CTNNA3: variants seen among roughly 807,000 people sequenced by gnomAD.
CTNNA3 encodes catenin alpha-3.
CTNNA3 carries 76 observed loss-of-function variants against 95.7 expected under a neutral mutation model. The ratio of observed to expected loss-of-function variants is 0.79; its 90% confidence interval spans 0.66 to 0.96. CTNNA3 has a LOEUF of 0.96. CTNNA3 is among the 40% of genes least tolerant of loss of function. CTNNA3 has a pLI of 0.00. For missense variants in CTNNA3, 1,191 were observed against 1,089.8 expected, an observed-to-expected ratio of 1.09 and a Z score of -1.31; for synonymous variants, 431 against 374.4, an observed-to-expected ratio of 1.15 and a Z score of -1.74.
chr10:66,205,222 T>G (rs150289202), intron 13 of CTNNA3, among the ~76,000 whole-genome samples: 7 of 152,210 alleles, frequency 4.6e-5, no homozygotes, highest in African/African-American at 1.2e-4. Flanking sequence ...ATTTAAATTC[T>G]TCCATAGTTC....
intron 7 of CTNNA3, among the ~76,000 whole-genome samples, chr10:66,902,446 C>A (rs1845793323): frequency 1.3e-5 from 2 of 152,214 alleles, no homozygotes; most frequent in Admixed American, 1.3e-4. Context: ...ACAAAATCGA[C>A]ACCCTAACAT....
At chr10:66,387,216 C>A (rs1445883431) in intron 11 of CTNNA3, among the ~76,000 whole-genome samples, 1 of 151,984 alleles carries the variant, frequency 6.6e-6, no homozygotes, top group Non-Finnish European at 1.5e-5. Context: ...GGGCTAATAT[C>A]CAGAATCTAC....
chr10:66,208,830 A>G (rs1455914119), intron 13 of CTNNA3, among the ~76,000 whole-genome samples: 1 of 152,040 alleles, frequency 6.6e-6, no homozygotes, highest in Non-Finnish European at 1.5e-5. Context: ...CCACTGTTTT[A>G]ATAACATGAG....
At chr10:66,518,453 C>G (rs936986791) in intron 11 of CTNNA3, among the ~76,000 whole-genome samples, 5 of 152,078 alleles carry the variant, frequency 3.3e-5, no homozygotes, top group African/African-American at 4.8e-5. Context: ...ACAGAACCTA[C>G]TATTCAACAG....
At chr10:65,959,570 G>A (rs1224068154) in intron 17 of CTNNA3, among the ~76,000 whole-genome samples, 2 of 152,024 alleles carry the variant, frequency 1.3e-5, no homozygotes, top group Admixed American at 6.6e-5. Context: ...TATCACCCAG[G>A]GTGGAATGCA....
chr10:66,354,818 T>G (rs2092596472), intron 12 of CTNNA3, among the ~76,000 whole-genome samples: 1 of 152,134 alleles, frequency 6.6e-6, no homozygotes, highest in Non-Finnish European at 1.5e-5. Flanking sequence ...CATCATAGCA[T>G]CTCACCACCC....
At chr10:66,241,394 AC>A (rs895009773) in intron 13 of CTNNA3, among the ~76,000 whole-genome samples, 187 of 152,318 alleles carry the variant, frequency 1.2e-3, no homozygotes, top group African/African-American at 4.3e-3. Flanking sequence ...ATAAAGGTTG[AC>A]CTTTTCAATC....
intron 1 of CTNNA3, among the ~76,000 whole-genome samples, chr10:67,702,579 G>A (rs1437552267): frequency 6.6e-6 from 1 of 152,170 alleles, no homozygotes; most frequent in Non-Finnish European, 1.5e-5. Flanking sequence ...TGAAACCAGT[G>A]AGAACAAAGA....
intron 11 of CTNNA3, among the ~76,000 whole-genome samples, chr10:66,447,268 C>T (rs1420040453): frequency 6.6e-6 from 1 of 152,070 alleles, no homozygotes; most frequent in Non-Finnish European, 1.5e-5. Context: ...TTTATAGATT[C>T]CATGCCATCC....
At chr10:67,017,819 G>C (rs780130145) in intron 7 of CTNNA3, among the ~76,000 whole-genome samples, 1 of 151,960 alleles carries the variant, frequency 6.6e-6, no homozygotes, top group Non-Finnish European at 1.5e-5. Context: ...ACCCAGGCTG[G>C]AATATAGTGG....
chr10:66,077,424 T>A (rs2080589258), intron 14 of CTNNA3, among the ~76,000 whole-genome samples: 1 of 151,866 alleles, frequency 6.6e-6, no homozygotes, highest in South Asian at 2.1e-4. Context: ...CTATAACATT[T>A]GTGACCAATA....
chr10:67,206,197 ACT>A (rs1413255400), intron 6 of CTNNA3, among the ~76,000 whole-genome samples: 1 of 152,230 alleles, frequency 6.6e-6, no homozygotes, highest in East Asian at 1.9e-4. Context: ...TGTAAATGGT[ACT>A]GTCAAGTCCT....
intron 2 of CTNNA3, among the ~76,000 whole-genome samples, chr10:67,608,119 G>A (rs117116457): frequency 0.03 from 4,574 of 152,250 alleles, 79 homozygotes; most frequent in Middle Eastern, 0.072. Context: ...GGCCAAATGA[G>A]TTAGGGGAAA....
chr10:66,447,297 C>T (rs537462767), intron 11 of CTNNA3, among the ~76,000 whole-genome samples: 12 of 151,990 alleles, frequency 7.9e-5, no homozygotes, highest in Non-Finnish European at 1.5e-4. Context: ...CTACCAATGA[C>T]TTTCTTCACA....
intron 7 of CTNNA3, among the ~76,000 whole-genome samples, chr10:66,986,418 A>C (rs1850731452): frequency 6.6e-6 from 1 of 152,010 alleles, no homozygotes; most frequent in African/African-American, 2.4e-5. Context: ...AATCGCTTGA[A>C]CCCAGTAGGC....
At chr10:67,508,009 T>G (rs909004125) in intron 5 of CTNNA3, among the ~76,000 whole-genome samples, 2 of 152,112 alleles carry the variant, frequency 1.3e-5, no homozygotes, top group Non-Finnish European at 2.9e-5. Context: ...TATTTCCTTT[T>G]TTTGTTGTTT....
chr10:67,255,522 G>C (rs1317865776), intron 5 of CTNNA3, among the ~76,000 whole-genome samples: 1 of 152,054 alleles, frequency 6.6e-6, no homozygotes, highest in East Asian at 1.9e-4. Flanking sequence ...TATTACTGGT[G>C]CTTACTGCTA....
rs112016697 is a variant in CTNNA3 at position 66,324,610 on chromosome 10, G to A, written c.1733-43989C>T. On this transcript the variant is annotated intron_variant, in intron 12 of 17. Transcript: ENST00000433211. ...CCCCAGCCTCTGCACCTGCCCATCT[G>A]CATGCTCCCCTTCCTGCAAGGGGTT... is the stretch of plus-strand genomic sequence containing the variant. Among the ~76,000 whole-genome samples the A allele has an allele frequency of 2.6e-5, 4 of 152,234 alleles. 1 individual carries two copies. The highest frequency in any genetic ancestry group is 9.6e-5 in the African/African-American group (4 of 41,572).
At chr10:67,661,996 T>C (rs1840204157) in intron 1 of CTNNA3, among the ~76,000 whole-genome samples, 1 of 152,184 alleles carries the variant, frequency 6.6e-6, no homozygotes, top group Non-Finnish European at 1.5e-5. Context: ...AAGTTAAACA[T>C]ATACCCACTC....
Sources: allele counts gnomAD v4.1 joint callset (sites outside exome capture counted in the v4.1 genomes callset), GRCh38; gene constraint gnomAD v4.1.1; transcripts MANE v1.5; gene names NCBI Gene and HGNC (gene_info 2026-07-23, HGNC 2026-07-21).